Variants in PCDHGB3 observed in about 807,000 individuals in gnomAD.
PCDHGB3 encodes the protein protocadherin gamma-B3.
Under a neutral mutation model 59.2 loss-of-function variants are expected in PCDHGB3, and 40 were observed. The ratio of observed to expected loss-of-function variants is 0.68; its 90% CI spans 0.52 to 0.88. The LOEUF (loss-of-function observed/expected upper bound fraction) is 0.88. Ranked by LOEUF, PCDHGB3 falls within the 40% of genes least tolerant of loss-of-function variation. PCDHGB3 has a pLI of 0.00. For synonymous variants in PCDHGB3, 581 were observed against 503.6 expected (o/e 1.15, Z -2.06); for missense variants, 1,309 against 1,187.9 (o/e 1.10, Z -1.50).
chr5:141,459,028 C>T (rs373532898), intron 1 of PCDHGB3, among the ~76,000 whole-genome samples: 1 of 152,202 alleles, frequency 6.6e-6, no homozygotes, highest in Non-Finnish European at 1.5e-5. Context: ...CCACCACATC[C>T]AGCCTTACCA....
intron 1 of PCDHGB3, chr5:141,383,758 A>G: frequency 6.2e-7 from 1 of 1,613,970 alleles, no homozygotes. Flanking sequence ...AATAACTCCT[A>G]AACTTCCAAA....
chr5:141,483,764 A>G (rs1170910094), intron 1 of PCDHGB3, among the ~76,000 whole-genome samples: 1 of 152,104 alleles, frequency 6.6e-6, no homozygotes, highest in East Asian at 1.9e-4. Context: ...AGGCTTGGAA[A>G]AATATTGGGG....
At position 141,490,521 on chromosome 5, in the gene PCDHGB3, C is replaced by T. The variant is rs146064810; in HGVS notation, c.2416-4286C>T. The stretch of plus-strand genomic sequence containing the variant: ...ACTATATCATCGAGCTGCTGGCCAG[C>T]GATGCTGGTTCACCTTCCCTACACA... On this transcript the variant is annotated intron_variant, in intron 1 of 3. Coordinates refer to ENST00000576222, the MANE Select transcript of PCDHGB3 (RefSeq NM_018924.5). This position sits in a 1 kb window ranked among gnomAD's most constrained non-coding sequence, Gnocchi z 5.4. The T allele has an allele frequency of 1.0e-4, 166 of 1,614,058 alleles. No individual in the cohort carries two copies. In the African/African-American group the frequency reaches 1.7e-3, roughly 16 times the overall value.
At chr5:141,375,118 A>T in intron 1 of PCDHGB3, 1 of 1,613,984 alleles carries the variant, frequency 6.2e-7, no homozygotes, top group Non-Finnish European at 8.5e-7. Context: ...ATAATGTACC[A>T]GAAGTGGTTG....
At chr5:141,444,152 ATTTTTTTTTTTTTTTTTTT>A (rs747671382) in intron 1 of PCDHGB3, among the ~76,000 whole-genome samples, 14 of 33,898 alleles carry the variant, frequency 4.1e-4, no homozygotes, top group South Asian at 3.1e-3. Flanking sequence ...TGTGTACTGG[ATTTTTTTTTTTTTTTTTTT>A]TTTTTTTTTT....
intron 1 of PCDHGB3, chr5:141,375,227 G>C: frequency 6.2e-7 from 1 of 1,613,962 alleles, no homozygotes; most frequent in East Asian, 2.2e-5. Context: ...GAATGGCCTG[G>C]TAACCTGTTC....
intron 1 of PCDHGB3, chr5:141,394,928 C>T (rs2093129787): frequency 7.4e-6 from 12 of 1,613,838 alleles, no homozygotes; most frequent in Non-Finnish European, 1.0e-5. Context: ...GTGTCTTCCT[C>T]GCCTTTGTCG....
At chr5:141,405,441 A>G (rs1049992632) in intron 1 of PCDHGB3, 1 of 1,376,552 alleles carries the variant, frequency 7.3e-7, no homozygotes, top group Non-Finnish European at 1.0e-6. Context: ...TGTTTTTGAG[A>G]CAGAGTCTTA....
intron 1 of PCDHGB3, chr5:141,403,257 G>A: frequency 6.2e-7 from 1 of 1,613,902 alleles, no homozygotes; most frequent in Non-Finnish European, 8.5e-7. Flanking sequence ...AGCCCGCGGT[G>A]TCTGGTGAAC....
At position 141,450,006 on chromosome 5, in the gene PCDHGB3, C is replaced by CTTTTT. The variant is rs1554136305; in HGVS notation, c.2416-44787_2416-44783dup. ...CACATTGCATTTAGTTGCCATGTCTCTTTTTTTTTTTTTTTTTTGAGACAG... is the reference window on the plus strand; with the variant it reads ...CACATTGCATTTAGTTGCCATGTCTCTTTTTTTTTTTTTTTTTTTTTTTGAGACAG... On this transcript the variant is annotated intron_variant, in intron 1 of 3. Transcript: ENST00000576222. Among the ~76,000 whole-genome samples the CTTTTT allele has an allele frequency of 3.4e-4, 45 of 132,908 alleles. 3 individuals carry two copies. Among genetic ancestry groups the CTTTTT allele is most frequent in the South Asian group, 7.1e-4 (3 of 4,236 alleles). 87.2% of individuals were successfully genotyped at this position (132,908 alleles called of 152,430 possible).
intron 1 of PCDHGB3, among the ~76,000 whole-genome samples, chr5:141,439,104 A>G (rs924055175): frequency 6.6e-6 from 1 of 151,676 alleles, no homozygotes; most frequent in African/African-American, 2.4e-5. Flanking sequence ...GAGGCAAGAG[A>G]ATCACTTGAA....
At chr5:141,385,427 T>C (rs1052771598) in intron 1 of PCDHGB3, 27 of 1,460,068 alleles carry the variant, frequency 1.8e-5, no homozygotes, top group Non-Finnish European at 2.3e-5. Context: ...TAAAAAACTT[T>C]ATAGAGGTAA....
In PCDHGB3 at chr5:141,485,569, T is replaced by C; in HGVS notation, c.2416-9238T>C. The C allele has an allele frequency of 6.2e-7, 1 of 1,612,664 alleles. No individual in the cohort carries two copies. Among genetic ancestry groups the C allele is most frequent in the Non-Finnish European group, 8.5e-7 (1 of 1,178,890 alleles). ...TAGATGTGAATGATCACGCCCCCCG[T>C]TTTCCGCGGCAGCAGCTGGACTTGG... On this transcript the variant is annotated intron_variant, in intron 1 of 3. Coordinates refer to ENST00000576222, the MANE Select transcript of PCDHGB3 (RefSeq NM_018924.5). This position sits in a 1 kb window ranked among gnomAD's most constrained non-coding sequence, Gnocchi z 5.7.
chr5:141,466,769 T>C (rs760924688), intron 1 of PCDHGB3, among the ~76,000 whole-genome samples: 1 of 152,198 alleles, frequency 6.6e-6, no homozygotes, highest in African/African-American at 2.4e-5. Flanking sequence ...CAAACTGTTA[T>C]CTTATTCTTC....
intron 1 of PCDHGB3, chr5:141,478,565 T>C (rs772519746): frequency 1.6e-5 from 25 of 1,593,862 alleles, no homozygotes; most frequent in Non-Finnish European, 2.0e-5. Flanking sequence ...TAGCAAGTCA[T>C]GCTTGACCCT....
At position 141,432,963 on chromosome 5, in the gene PCDHGB3, C is replaced by T. The variant is rs1382354299; in HGVS notation, c.2415+60154C>T. 1.5e-5 allele frequency: 24 copies of T among 1,614,046 alleles called. 1 individual carries two copies. In the South Asian group the frequency reaches 2.3e-4, roughly 16 times the overall value. On this transcript the variant is annotated intron_variant, in intron 1 of 3. Transcript: ENST00000576222. The surrounding 1 kb of genome is among the most constrained non-coding windows in gnomAD (Gnocchi z 6.0). ...GCTTCAGGAGGCGGCTTGACAGGAG[C>T]GCCGGCGTCGCACTTTGTGGGCGTG...
chr5:141,495,000 G>A lies in PCDHGB3; in HGVS notation c.2474+135G>A, dbSNP rs191756104. ...AGTTTGAGATCCCAGGGAGGTCTTG[G>A]TGTGCGGGGGGCTGGCACACAGACC... On this transcript the variant is annotated intron_variant, in intron 2 of 3. Transcript: ENST00000576222. 1.3e-4 allele frequency: 202 copies of A among 1,531,656 alleles called. 2 individuals carry two copies. The African/African-American group carries it at 2.4e-3, about 19-fold the overall frequency. The allele number at this position is 1,531,656 out of a possible 1,614,324, so 94.9% of individuals were successfully genotyped here. A position where few individuals can be genotyped will look rare whatever the true frequency, so the allele number is the denominator to read the frequency against.
chr5:141,508,935 A>T (rs180987868), intron 3 of PCDHGB3, among the ~76,000 whole-genome samples: 2 of 152,118 alleles, frequency 1.3e-5, no homozygotes, highest in Non-Finnish European at 2.9e-5. Context: ...GGAGTTAATT[A>T]GGGAAAACAG....
At chr5:141,373,945 C>A in intron 1 of PCDHGB3, 1 of 765,672 alleles carries the variant, frequency 1.3e-6, no homozygotes, top group Non-Finnish European at 1.9e-6. Flanking sequence ...GAAAGCTGTG[C>A]AGAAATTCTG....
Sources: gnomAD v4.1 joint callset for allele counts (sites outside exome capture counted in the v4.1 genomes callset) on GRCh38, gnomAD v4.1.1 for gene constraint, Gnocchi (gnomAD v3.1) non-coding constraint, MANE v1.5 for transcripts, NCBI Gene and HGNC (gene_info 2026-07-23, HGNC 2026-07-21) for gene names.